Variants in AMACR observed in about 807,000 individuals in gnomAD.
AMACR encodes the protein 2-methylacyl-CoA racemase.
A neutral mutation model predicts 22.2 loss-of-function variants in AMACR; 18 were observed. That is an observed-to-expected ratio of 0.81 (90% CI 0.56 to 1.20). AMACR has a LOEUF of 1.20. Ranked by LOEUF, AMACR falls within the 50% of genes most tolerant of loss-of-function variation. The pLI is 0.00. For synonymous variants in AMACR, 213 were observed against 191.3 expected (o/e 1.11, Z -0.94); for missense variants, 499 against 490.6 (o/e 1.02, Z -0.16).
At chr5:33,989,549 A>G in intron 4 of AMACR, 47 bp from the exon 5 acceptor site, 1 of 1,467,704 alleles carries the variant, frequency 6.8e-7, no homozygotes, top group Admixed American at 1.7e-5. Context: ...TGAACAGAGC[A>G]ATTATAATCA....
chr5:34,007,809 T>A lies in AMACR; in HGVS notation c.211A>T (p.Lys71Ter), dbSNP rs1754038264. The A allele has an allele frequency of 6.3e-7, 1 of 1,575,356 alleles. No individual in the cohort carries two copies. Among genetic ancestry groups the A allele is most frequent in the Admixed American group, 1.8e-5 (1 of 54,934 alleles). ...RGAAVLRRLC[K>*]RSDVLLEPFR... Reference sequence around the variant, plus strand: ...GGCTCCAGCAGCACATCCGACCGCTTGCACAGACGCCGCAGCACGGCGGCT... The same window carrying A: ...GGCTCCAGCAGCACATCCGACCGCTAGCACAGACGCCGCAGCACGGCGGCT... The change falls in exon 1 of 5, where the codon AAG becomes TAG. Residue 71 changes from lysine to a stop codon, truncating the protein, a stop_gained. Coordinates refer to ENST00000335606, the MANE Select transcript of AMACR (RefSeq NM_014324.6). LOFTEE classifies it high-confidence loss of function.
At chr5:33,989,627 G>A in intron 4 of AMACR, 125 bp from the exon 5 acceptor site, 1 of 806,628 alleles carries the variant, frequency 1.2e-6, no homozygotes, top group Admixed American at 2.7e-5. Context: ...TCTCAAATGA[G>A]TCAAGAGAAA....
intron 3 of AMACR, among the ~76,000 whole-genome samples, 199 bp downstream of exon 3, chr5:34,004,375 A>G (rs1446556833): frequency 2.0e-5 from 3 of 152,252 alleles, no homozygotes; most frequent in African/African-American, 7.2e-5. Context: ...CTCCAAGGAC[A>G]GATGATCAAA....
chr5:33,989,028 A>G lies in AMACR; in HGVS notation c.*65T>C. ...GTTCCTCCATGTTTCCATGCATACA[A>G]TGTTATGTGTTACTCTACACTGTAA... is the stretch of plus-strand genomic sequence containing the variant. On this transcript the variant is annotated 3_prime_UTR_variant, in exon 5 of 5. Coordinates refer to ENST00000335606, the MANE Select transcript of AMACR (RefSeq NM_014324.6). 4 of 1,608,410 alleles carry G rather than the reference A, an allele frequency of 2.5e-6. No individual in the cohort carries two copies. Among genetic ancestry groups the G allele is most frequent in the Non-Finnish European group, 1.7e-6 (2 of 1,177,498 alleles).
intron 4 of AMACR, chr5:33,997,576 A>C: frequency 1.3e-6 from 1 of 768,376 alleles, no homozygotes; most frequent in Non-Finnish European, 2.4e-6. Flanking sequence ...ATCAGACTGC[A>C]GGTGGCAGTG....
chr5:34,004,485 CTT>C (rs1364160231), intron 3 of AMACR, 87 bp downstream of exon 3: 43 of 1,544,824 alleles, frequency 2.8e-5, no homozygotes, highest in South Asian at 6.7e-5. Flanking sequence ...TCATTTATCT[CTT>C]GTCTTCTTCT....
intron 4 of AMACR, among the ~76,000 whole-genome samples, chr5:33,993,525 T>A (rs1206081549): frequency 6.6e-6 from 1 of 152,260 alleles, no homozygotes; most frequent in African/African-American, 2.4e-5. Flanking sequence ...TACACCACTT[T>A]ACACTCTCAT....
intron 3 of AMACR, among the ~76,000 whole-genome samples, 165 bp downstream of exon 3, chr5:34,004,408 TA>T (rs1242803700): frequency 6.6e-6 from 1 of 152,226 alleles, no homozygotes; most frequent in Non-Finnish European, 1.5e-5. Context: ...AACAGATATA[TA>T]AAAGACATAA....
chr5:34,007,704 C>T (rs561307847), intron 1 of AMACR, 69 bp downstream of exon 1: 270 of 1,466,598 alleles, frequency 1.8e-4, no homozygotes, highest in Non-Finnish European at 2.4e-4. Flanking sequence ...GGTGCAGCCT[C>T]GATCGAACGG....
Position 34,007,794 on chromosome 5 carries a change from G to A in AMACR, c.226C>T (p.Leu76=), listed in dbSNP as rs772334426. ...LRRLCKRSDV[L]LEPFRRGVME... ...TCACCGCGGCGGAAGGGCTCCAGCA[G>A]CACATCCGACCGCTTGCACAGACGC... Residue 76 remains leucine, a synonymous_variant, in exon 1 of 5, where the codon CTG becomes TTG. Transcript: ENST00000335606. 9 of 1,569,202 alleles carry A rather than the reference G, an allele frequency of 5.7e-6. No homozygotes were observed. In the South Asian group the frequency reaches 1.0e-4, roughly 18 times the overall value.
rs191796024 is a variant in AMACR, at chr5:34,005,907, G to A, written c.248-8C>T. 6.2e-7 allele frequency: 1 copy of A among 1,614,054 alleles called. No individual in the cohort carries two copies. Among genetic ancestry groups the A allele is most frequent in the Non-Finnish European group, 8.5e-7 (1 of 1,179,998 alleles). On this transcript the variant is annotated splice_region_variant and splice_polypyrimidine_tract_variant and intron_variant, in intron 1 of 4. Transcript: ENST00000335606. Reference sequence around the variant, plus strand: ...GGAGTTTCTCCATGACACCTTAAGAGAAAAGTAACGATCTTCTTAAGAGAG... The same window carrying A: ...GGAGTTTCTCCATGACACCTTAAGAAAAAAGTAACGATCTTCTTAAGAGAG...
Position 33,988,321 on chromosome 5 carries a change from T to C in AMACR, c.*772A>G. ...GTCCTGAGATCTTTATTTCTGGATG[T>C]TGCTGTGTGTTGGGTATAAGATCCA... On this transcript the variant is annotated 3_prime_UTR_variant, in exon 5 of 5. Transcript: ENST00000335606. 5 of 1,541,252 alleles carry C rather than the reference T, an allele frequency of 3.2e-6. No individual in the cohort carries two copies. Among genetic ancestry groups the C allele is most frequent in the Non-Finnish European group, 4.4e-6 (5 of 1,148,870 alleles).
chr5:33,991,352 G>A (rs987040147), intron 4 of AMACR, among the ~76,000 whole-genome samples: 8 of 152,140 alleles, frequency 5.3e-5, no homozygotes, highest in Non-Finnish European at 1.2e-4. Flanking sequence ...GCTGTTTGCT[G>A]TGCTCCTGAC....
rs140821725 is a variant in AMACR, at chr5:34,007,987, C to T, written c.33G>A (p.Leu11=). Residue 11 remains leucine (L), a synonymous_variant, in exon 1 of 5, where the codon CTG becomes CTA. Coordinates refer to ENST00000335606, the MANE Select transcript of AMACR (RefSeq NM_014324.6). The stretch of plus-strand genomic sequence containing the variant: ...AGAACGGGCCCGGGGCCAGGCCGGA[C>T]AGCTCCACGACCGAGATGCCCTGCA... MALQGISVVE[L]SGLAPGPFCA... The T allele has an allele frequency of 2.5e-6, 4 of 1,611,586 alleles. No individual in the cohort carries two copies. The African/African-American group carries it at 5.3e-5, about 22-fold the overall frequency.
intron 1 of AMACR, among the ~76,000 whole-genome samples, chr5:34,007,483 C>T (rs1017158733): frequency 1.6e-4 from 25 of 151,884 alleles, no homozygotes; most frequent in African/African-American, 4.8e-4. Context: ...TTAAGAAAGG[C>T]AAATACGGAA....
In AMACR at chr5:33,989,263, G is replaced by T. The variant is rs1208465674; in HGVS notation, c.979C>A (p.Pro327Thr). The T allele has an allele frequency of 6.2e-7, 1 of 1,614,008 alleles. No individual in the cohort carries two copies. Among genetic ancestry groups the T allele is most frequent in the Non-Finnish European group, 8.5e-7 (1 of 1,180,044 alleles). Residue 327 changes from proline (P) to threonine (T), a missense_variant, in exon 5 of 5, where the codon CCT becomes ACT. Coordinates refer to ENST00000335606, the MANE Select transcript of AMACR (RefSeq NM_014324.6). ...GGGGTGTTTAACAGCAGAGGTGCAG[G>T]GCGGGGGCTCACGTCCTGCTCCTCA... ...TSEEQDVSPRPAPLLLNTPAI... is the reference protein window; with the variant it reads ...TSEEQDVSPRTAPLLLNTPAI...
intron 2 of AMACR, 124 bp from the exon 3 acceptor site, chr5:34,004,858 C>T (rs965975823): frequency 6.2e-6 from 7 of 1,133,960 alleles, no homozygotes; most frequent in East Asian, 2.6e-5. Flanking sequence ...AGCTAGTATA[C>T]ATCACTTTTC....
intron 3 of AMACR, among the ~76,000 whole-genome samples, chr5:34,001,471 C>T (rs1310175956): frequency 6.6e-6 from 1 of 152,206 alleles, no homozygotes; most frequent in East Asian, 1.9e-4. Flanking sequence ...CTGTGATTGG[C>T]TGAGACTTGC....
rs1172223847 is a variant in AMACR, at chr5:33,988,681, C to T, written c.*412G>A. Reference sequence around the variant, plus strand: ...CAACCAATCACTCTGTTTCACGTGACTTTTATCACCATACAATTTGTGGCA... The same window carrying T: ...CAACCAATCACTCTGTTTCACGTGATTTTTATCACCATACAATTTGTGGCA... On this transcript the variant is annotated 3_prime_UTR_variant, in exon 5 of 5. Transcript: ENST00000335606. 8 of 1,216,574 alleles carry T rather than the reference C, an allele frequency of 6.6e-6. No individual in the cohort carries two copies. The highest frequency in any genetic ancestry group is 2.3e-5 in the South Asian group (1 of 43,748). The allele number at this position is 1,216,574 out of a possible 1,614,324, so 75.4% of individuals were successfully genotyped here.
Sources: allele counts gnomAD v4.1 joint callset (sites outside exome capture counted in the v4.1 genomes callset), GRCh38; gene constraint gnomAD v4.1.1; transcripts MANE v1.5; gene names NCBI Gene and HGNC (gene_info 2026-07-23, HGNC 2026-07-21).